PAH: variants seen among roughly 807,000 people sequenced by gnomAD.
The protein encoded by PAH is phenylalanine-4-hydroxylase.
PAH carries 64 observed loss-of-function variants against 62.0 expected under a neutral mutation model. That is an observed-to-expected ratio of 1.03 (90% CI 0.84 to 1.27). The LOEUF is 1.27. Ranked by LOEUF, PAH falls within the 50% of genes most tolerant of loss-of-function variation. The probability of loss-of-function intolerance (pLI) is 0.00; values close to 1 mark genes in which losing one functional copy is unlikely to be tolerated. For missense variants in PAH, 579 were observed against 542.8 expected (o/e 1.07, Z -0.66); for synonymous variants, 195 against 196.2 (o/e 0.99, Z 0.05).
In PAH at chr12:102,843,682, A is replaced by G. The variant is rs281865435; in HGVS notation, c.1163T>C (p.Val388Ala). Residue 388 changes from valine (V) to alanine (A), a missense_variant, in exon 11 of 13, where the codon GTG becomes GCG. Transcript: ENST00000553106. Reference sequence around the variant, plus strand: ...CTTGGCATCATTAAAACTCTCTGCCACGTAATAGAGGGGCTGGAACTCCGT... The same window carrying G: ...CTTGGCATCATTAAAACTCTCTGCCGCGTAATAGAGGGGCTGGAACTCCGT... ...TVTEFQPLYY[V>A]AESFNDAKEK... 1.2e-6 allele frequency: 2 copies of G among 1,613,674 alleles called. No homozygotes were observed. The highest frequency in any genetic ancestry group is 1.7e-6 in the Non-Finnish European group (2 of 1,179,788).
At chr12:102,877,122 G>C (rs1876600690) in intron 4 of PAH, 1 of 378,152 alleles carries the variant, frequency 2.6e-6, no homozygotes, top group Admixed American at 3.7e-5. Context: ...ACAGGTTGCT[G>C]TTTACCAAGC....
intron 5 of PAH, among the ~76,000 whole-genome samples, chr12:102,863,280 C>T (rs1171978885): frequency 3.9e-5 from 6 of 152,144 alleles, no homozygotes; most frequent in Admixed American, 2.0e-4. Context: ...AAAAGAAAGG[C>T]ATCTGTTATT....
At chr12:102,921,883 AATTTTTTTGCTGTATTTTT>A (rs1565876726), upstream of PAH, among the ~76,000 whole-genome samples, 1 of 152,040 alleles carries the variant, frequency 6.6e-6, no homozygotes, top group Non-Finnish European at 1.5e-5. Context: ...CTTATATTTT[AATTTTTTTGCTGTATTTTT>A]ATTTTTTTGC....
At position 102,851,093 on chromosome 12, in the gene PAH, GA is replaced by G. The variant is rs369658086; in HGVS notation, c.912+593del. On this transcript the variant is annotated intron_variant, in intron 8 of 12. Transcript: ENST00000553106. ...GACAGAGTGAGACCTTGCCTTAAAA[GA>G]AAAAAAAAAGAAAGAAAAAGAAAAA... Among the ~76,000 whole-genome samples, 34 of 146,142 alleles carry G rather than the reference GA, an allele frequency of 2.3e-4. 1 individual carries two copies. Among genetic ancestry groups the G allele is most frequent in the African/African-American group, 7.3e-4 (29 of 39,634 alleles).
At chr12:102,917,305 C>T (rs544326639), upstream of PAH, 30 of 668,798 alleles carry the variant, frequency 4.5e-5, no homozygotes, top group African/African-American at 5.0e-4. Context: ...TGGGCGTTGT[C>T]CTGACGCAGG....
chr12:102,881,960 C>A (rs1876828473), intron 3 of PAH, among the ~76,000 whole-genome samples: 1 of 152,126 alleles, frequency 6.6e-6, no homozygotes, highest in South Asian at 2.1e-4. Context: ...GATTTCATTT[C>A]CTTTGAGTAT....
chr12:102,904,109 C>T (rs1877877240), intron 2 of PAH, among the ~76,000 whole-genome samples: 1 of 152,156 alleles, frequency 6.6e-6, no homozygotes, highest in Admixed American at 6.5e-5. Flanking sequence ...TGGTATACTC[C>T]TAATCATTTG....
intron 3 of PAH, among the ~76,000 whole-genome samples, chr12:102,890,065 A>G (rs546504671): frequency 6.6e-6 from 1 of 152,332 alleles, no homozygotes; most frequent in African/African-American, 2.4e-5. Context: ...TTTCTTTACC[A>G]TGTCGCTGTA....
chr12:102,927,631 G>A (rs1878722695), intron 1 of PAH, among the ~76,000 whole-genome samples: 1 of 151,898 alleles, frequency 6.6e-6, no homozygotes, highest in South Asian at 2.1e-4. Flanking sequence ...ATTAATTACA[G>A]TTTATTCAAA....
intron 3 of PAH, among the ~76,000 whole-genome samples, chr12:102,891,940 C>T (rs1031724158): frequency 6.6e-6 from 1 of 152,214 alleles, no homozygotes; most frequent in African/African-American, 2.4e-5. Flanking sequence ...CTGGCAGGCC[C>T]TTTGTCCAAA....
At chr12:102,877,619 C>T in intron 3 of PAH, 69 bp from the exon 4 acceptor site, 1 of 1,169,892 alleles carries the variant, frequency 8.5e-7, no homozygotes, top group Non-Finnish European at 1.3e-6. Context: ...TTGCTGAGAT[C>T]AGAAGTGGGG....
chr12:102,868,100 A>ATCAGGGCC (rs1565854919), intron 4 of PAH, among the ~76,000 whole-genome samples: 6 of 30,112 alleles, frequency 2.0e-4, no homozygotes, highest in South Asian at 9.3e-4. Flanking sequence ...ATATATATAT[A>ATCAGGGCC]TATACACATA....
intron 9 of PAH, among the ~76,000 whole-genome samples, chr12:102,844,816 G>C (rs994220332): frequency 7.2e-5 from 11 of 152,174 alleles, no homozygotes; most frequent in Admixed American, 6.5e-4. Flanking sequence ...CAGGCCTTTG[G>C]TCTCAGACTG....
chr12:102,941,928 C>G (rs981968196), intron 1 of PAH, among the ~76,000 whole-genome samples: 6 of 152,050 alleles, frequency 3.9e-5, no homozygotes, highest in Non-Finnish European at 8.8e-5. Context: ...AGGAACACAC[C>G]TCAAAATAAT....
intron 5 of PAH, among the ~76,000 whole-genome samples, chr12:102,861,897 C>T (rs1875737489): frequency 6.7e-6 from 1 of 148,152 alleles, no homozygotes; most frequent in Non-Finnish European, 1.5e-5. Context: ...TGCAGCACAC[C>T]AACATGGCAC....
intron 1 of PAH, among the ~76,000 whole-genome samples, chr12:102,922,573 C>T (rs2136740469): frequency 6.6e-6 from 1 of 152,242 alleles, no homozygotes; most frequent in Non-Finnish European, 1.5e-5. Context: ...CTTATTTATT[C>T]TTTTGTAATG....
chr12:102,876,926 T>G (rs1437850279), intron 4 of PAH, among the ~76,000 whole-genome samples: 1 of 152,154 alleles, frequency 6.6e-6, no homozygotes, highest in Non-Finnish European at 1.5e-5. Context: ...TCATACTTAA[T>G]GCACCAACCA....
intron 4 of PAH, among the ~76,000 whole-genome samples, chr12:102,873,531 C>T (rs1166274563): frequency 6.6e-6 from 1 of 152,198 alleles, no homozygotes; most frequent in Non-Finnish European, 1.5e-5. Flanking sequence ...AGTTAGCCTG[C>T]TCTGGTTGCT....
At chr12:102,913,805 A>G (rs3805122) in intron 1 of PAH, 85,323 of 701,734 alleles carry the variant, frequency 0.12, 5,691 homozygotes, top group Non-Finnish European at 0.15. Flanking sequence ...CACTTACTAC[A>G]TGCATGTGAC....
Sources: gnomAD v4.1 joint callset for allele counts (sites outside exome capture counted in the v4.1 genomes callset) on GRCh38, gnomAD v4.1.1 for gene constraint, MANE v1.5 for transcripts, NCBI Gene and HGNC (gene_info 2026-07-23, HGNC 2026-07-21) for gene names.